ZNF676: variants seen among roughly 807,000 people sequenced by gnomAD.
ZNF676 encodes the protein zinc finger protein 676.
ZNF676 carries 4 observed loss-of-function variants against 6.0 expected under a neutral mutation model. The observed-to-expected ratio is 0.67, with a 90% confidence interval of 0.33 to 1.53. ZNF676 has a LOEUF of 1.53. Among genes scored for constraint, ZNF676 ranks in the 40% most tolerant of loss-of-function variants. ZNF676 has a pLI of 0.06. For synonymous variants in ZNF676, 198 were observed against 223.1 expected (o/e 0.89, Z 1.00); for missense variants, 644 against 679.7 (o/e 0.95, Z 0.58).
chr19:22,214,735 T>C (rs1464248990), intron 1 of ZNF676, among the ~76,000 whole-genome samples: 2 of 151,504 alleles, frequency 1.3e-5, no homozygotes, highest in Admixed American at 6.6e-5. Context: ...TCCATCTTCA[T>C]GTTACAAATT....
At position 22,179,428 on chromosome 19, in the gene ZNF676, G is replaced by A; in HGVS notation, c.*522C>T. 1 of 350,852 alleles carries A rather than the reference G, an allele frequency of 2.9e-6. No individual in the cohort carries two copies. The highest frequency in any genetic ancestry group is 5.6e-6 in the Non-Finnish European group (1 of 178,870). 21.7% of individuals were successfully genotyped at this position (350,852 alleles called of 1,614,324 possible). On this transcript the variant is annotated 3_prime_UTR_variant, in exon 3 of 3. Coordinates refer to ENST00000397121, the MANE Select transcript of ZNF676 (RefSeq NM_001001411.3). ...GCCTTAAGGACTGGTTAAAGGCTTT[G>A]CCACATTCCACACAATTATAGGAAT...
At position 22,211,605 on chromosome 19, in the gene ZNF676, G is replaced by A. The variant is rs1376499293; in HGVS notation, c.3+4027C>T. ...TATTTTTTGTATTAAAAATCATGAG[G>A]TAAACAGTTATATGGGAACACTTCT... On this transcript the variant is annotated intron_variant, in intron 1 of 3. Transcript: ENST00000650058. Among the ~76,000 whole-genome samples, 2 of 152,104 alleles carry A rather than the reference G, an allele frequency of 1.3e-5. 1 individual carries two copies. Among genetic ancestry groups the A allele is most frequent in the South Asian group, 4.1e-4 (2 of 4,822 alleles).
chr19:22,204,246 G>T (rs1320193784), intron 1 of ZNF676, among the ~76,000 whole-genome samples: 1 of 151,952 alleles, frequency 6.6e-6, no homozygotes, highest in Non-Finnish European at 1.5e-5. Context: ...CAATTTAATG[G>T]TAAAATTTTT....
chr19:22,208,233 C>A (rs2024095400), intron 1 of ZNF676, among the ~76,000 whole-genome samples: 1 of 145,654 alleles, frequency 6.9e-6, no homozygotes, highest in Non-Finnish European at 1.5e-5. Flanking sequence ...TCCGTAAGAA[C>A]TAAAACAAGT....
chr19:22,209,487 T>G (rs557479969), intron 1 of ZNF676, among the ~76,000 whole-genome samples: 1 of 152,062 alleles, frequency 6.6e-6, no homozygotes, highest in East Asian at 1.9e-4. Context: ...AAAAAGACAC[T>G]GAGGCCTAGT....
upstream of ZNF676, among the ~76,000 whole-genome samples, chr19:22,220,362 A>G (rs890908672): frequency 2.0e-5 from 3 of 151,842 alleles, no homozygotes; most frequent in African/African-American, 4.8e-5. Context: ...CTTTTTCTCT[A>G]TCTTTTGGAA....
intron 2 of ZNF676, among the ~76,000 whole-genome samples, chr19:22,185,873 T>A (rs2023831361): frequency 6.6e-6 from 1 of 151,878 alleles, no homozygotes; most frequent in Non-Finnish European, 1.5e-5. Context: ...CCAAGAAATA[T>A]GGGACTATGA....
the ZNF676 span, among the ~76,000 whole-genome samples, chr19:22,251,123 T>C: frequency 6.6e-6 from 1 of 152,248 alleles, no homozygotes; most frequent in Non-Finnish European, 1.5e-5. Context: ...ATGGCTGGGC[T>C]TGGCTTTTAA....
chr19:22,200,045 A>G (rs987173478), upstream of ZNF676, among the ~76,000 whole-genome samples: 16 of 152,166 alleles, frequency 1.1e-4, no homozygotes, highest in African/African-American at 3.9e-4. Context: ...AAAAGGGTGA[A>G]TATGAACAGG....
At chr19:22,257,005 G>C in the ZNF676 span, among the ~76,000 whole-genome samples, 4 of 152,072 alleles carry the variant, frequency 2.6e-5, no homozygotes, top group Admixed American at 6.5e-5. Context: ...CAGGCAAGGG[G>C]AGTCACATCA....
chr19:22,199,114 G>T (rs2023999771), upstream of ZNF676, among the ~76,000 whole-genome samples: 1 of 152,016 alleles, frequency 6.6e-6, no homozygotes, highest in South Asian at 2.1e-4. Context: ...CCTTAACTAA[G>T]CATTTCCTCT....
the ZNF676 span, among the ~76,000 whole-genome samples, chr19:22,258,392 G>A: frequency 6.6e-6 from 1 of 152,238 alleles, no homozygotes; most frequent in Admixed American, 6.5e-5. Context: ...ACCAAGGAAA[G>A]AGAGTAACAT....
chr19:22,202,104 G>A (rs904509824), intron 1 of ZNF676, among the ~76,000 whole-genome samples: 1 of 151,980 alleles, frequency 6.6e-6, no homozygotes, highest in Non-Finnish European at 1.5e-5. Context: ...TTCAGGTCCT[G>A]CATGGGTAAA....
At chr19:22,211,029 A>C (rs1275342025) in intron 1 of ZNF676, among the ~76,000 whole-genome samples, 1 of 151,314 alleles carries the variant, frequency 6.6e-6, no homozygotes, top group Non-Finnish European at 1.5e-5. Flanking sequence ...TTTTCTACCT[A>C]ATCTTTATAA....
At chr19:22,243,464 T>G in the ZNF676 span, 1 of 152,008 alleles carries the variant, frequency 6.6e-6, no homozygotes, top group East Asian at 1.9e-4. Context: ...CAAAGTTGAC[T>G]GGTGCATAGA....
At chr19:22,230,901 G>C in the ZNF676 span, among the ~76,000 whole-genome samples, 104 of 151,340 alleles carry the variant, frequency 6.9e-4, no homozygotes, top group South Asian at 6.3e-4. Context: ...CTCCTGATCT[G>C]CCCACCTCAG....
At chr19:22,250,534 T>C in the ZNF676 span, among the ~76,000 whole-genome samples, 1 of 152,148 alleles carries the variant, frequency 6.6e-6, no homozygotes, top group African/African-American at 2.4e-5. Flanking sequence ...TTCTCATGCC[T>C]CAGCCTCCTG....
At chr19:22,237,642 C>T in the ZNF676 span, among the ~76,000 whole-genome samples, 1 of 152,170 alleles carries the variant, frequency 6.6e-6, no homozygotes, top group Non-Finnish European at 1.5e-5. Context: ...TCACAGTTGC[C>T]TCAGGCAGTG....
rs1410417741 is a variant in ZNF676, at chr19:22,181,290, A to G, written c.427T>C (p.Cys143Arg). The G allele has an allele frequency of 3.2e-5, 51 of 1,613,790 alleles. 1 individual carries two copies. Among genetic ancestry groups the G allele is most frequent in the Non-Finnish European group, 4.3e-5 (51 of 1,179,796 alleles). The change falls in exon 3 of 3, where the codon TGT becomes CGT. Residue 143 changes from cysteine (C) to arginine (R), a missense_variant. Physicochemically the swap from Cys to Arg is radical, Grantham distance 180. Transcript: ENST00000397121. ...CAAAATGATCTGACATATTCTTTAC[A>G]TTTCAAACCTTTCTCTCCAGTATGC... ...IRHTGEKGLK[C>R]KEYVRSFCML...
Sources: gnomAD v4.1 joint callset for allele counts (sites outside exome capture counted in the v4.1 genomes callset) on GRCh38, gnomAD v4.1.1 for gene constraint, MANE v1.5 for transcripts, NCBI Gene and HGNC (gene_info 2026-07-23, HGNC 2026-07-21) for gene names.